Variants in CRACD observed in about 807,000 individuals in gnomAD.
The protein encoded by CRACD is capping protein-inhibiting regulator of actin dynamics.
CRACD carries 56 observed loss-of-function variants against 106.8 expected under a neutral mutation model. The ratio of observed to expected loss-of-function variants is 0.52; its 90% confidence interval spans 0.42 to 0.66. The LOEUF is 0.66. Ranked by LOEUF, CRACD falls within the 30% of genes least tolerant of loss-of-function variation. The pLI, the probability that CRACD is intolerant of heterozygous loss-of-function variation, is 0.00. For missense variants in CRACD, 1,730 were observed against 1,623.2 expected, an observed-to-expected ratio of 1.07 and a Z score of -1.13; for synonymous variants, 754 against 670.8, an observed-to-expected ratio of 1.12 and a Z score of -1.92.
chr4:56,142,922 A>G (rs1577689840), intron 1 of CRACD, among the ~76,000 whole-genome samples: 1 of 152,140 alleles, frequency 6.6e-6, no homozygotes, highest in East Asian at 1.9e-4. Flanking sequence ...CTGGTACCAC[A>G]TTATTTAAAT....
intron 1 of CRACD, among the ~76,000 whole-genome samples, chr4:56,077,414 C>T (rs1345975924): frequency 1.3e-5 from 2 of 152,166 alleles, no homozygotes; most frequent in Non-Finnish European, 2.9e-5. Context: ...TTGGGTGGGG[C>T]ACAGCCAAAC....
At chr4:56,148,426 G>A (rs755506177) in intron 1 of CRACD, among the ~76,000 whole-genome samples, 11 of 152,168 alleles carry the variant, frequency 7.2e-5, no homozygotes, top group Admixed American at 1.3e-4. Context: ...GAGGAGCTGG[G>A]ACTACAGGTG....
chr4:56,193,125 G>C (rs1036901591), intron 2 of CRACD, among the ~76,000 whole-genome samples: 1 of 152,142 alleles, frequency 6.6e-6, no homozygotes, highest in Non-Finnish European at 1.5e-5. Flanking sequence ...AAGAGCAAAG[G>C]GATGTTTTAC....
At chr4:56,269,455 G>GT (rs1742219885) in intron 2 of CRACD, among the ~76,000 whole-genome samples, 1 of 151,928 alleles carries the variant, frequency 6.6e-6, no homozygotes, top group African/African-American at 2.4e-5. Flanking sequence ...GCCAGCATCT[G>GT]TTTGCCTTCT....
At chr4:56,300,489 T>C (rs967850544) in intron 4 of CRACD, among the ~76,000 whole-genome samples, 2 of 152,238 alleles carry the variant, frequency 1.3e-5, no homozygotes, top group African/African-American at 2.4e-5. Flanking sequence ...TCTTATAGGT[T>C]GAAGAAGAGG....
At chr4:56,182,793 A>C (rs1736886490) in intron 2 of CRACD, among the ~76,000 whole-genome samples, 1 of 152,086 alleles carries the variant, frequency 6.6e-6, no homozygotes, top group Non-Finnish European at 1.5e-5. Flanking sequence ...CTGTAATTTT[A>C]AAAACATATG....
intron 1 of CRACD, among the ~76,000 whole-genome samples, chr4:56,091,554 G>A (rs1367165761): frequency 6.6e-6 from 1 of 152,054 alleles, no homozygotes; most frequent in African/African-American, 2.4e-5. Context: ...CAACTCATTT[G>A]TTCATATTGA....
rs572692051 is a variant in CRACD, at chr4:56,147,611, G to C, written c.-335-31673G>C. On this transcript the variant is annotated intron_variant, in intron 1 of 10. Coordinates refer to ENST00000682029, the MANE Select transcript of CRACD (RefSeq NM_001393381.1). ...TTGTAGCATGAGTATTTGTATGCAA[G>C]TTTTTTGGTGGACATATGTTTTCAT... Among the ~76,000 whole-genome samples, 3 of 152,282 alleles carry C rather than the reference G, an allele frequency of 2.0e-5. No homozygotes were observed. The East Asian group carries it at 5.8e-4, about 29-fold the overall frequency.
At chr4:56,225,165 T>C (rs760975139) in intron 2 of CRACD, among the ~76,000 whole-genome samples, 10 of 152,326 alleles carry the variant, frequency 6.6e-5, no homozygotes, top group Non-Finnish European at 8.8e-5. Context: ...CTTGGCTTAC[T>C]GCAAAAACCT....
intron 1 of CRACD, among the ~76,000 whole-genome samples, chr4:56,124,753 G>A (rs1477666981): frequency 6.6e-6 from 1 of 151,904 alleles, no homozygotes; most frequent in Non-Finnish European, 1.5e-5. Flanking sequence ...TTGTCCTGTA[G>A]AATTTCTTAT....
chr4:56,072,436 C>G (rs1366172279), intron 1 of CRACD, among the ~76,000 whole-genome samples: 1 of 152,146 alleles, frequency 6.6e-6, no homozygotes, highest in Non-Finnish European at 1.5e-5. Context: ...TTAATTCCAT[C>G]ATGTATCTTC....
chr4:56,216,836 C>T (rs563319490), intron 2 of CRACD, among the ~76,000 whole-genome samples: 8 of 150,754 alleles, frequency 5.3e-5, no homozygotes, highest in South Asian at 4.2e-4. Flanking sequence ...AAAAATTAGC[C>T]GGGCGCGGTG....
At chr4:56,051,240 T>C (rs1731863561) in intron 1 of CRACD, among the ~76,000 whole-genome samples, 1 of 152,222 alleles carries the variant, frequency 6.6e-6, no homozygotes, top group African/African-American at 2.4e-5. Flanking sequence ...GGATAAAACG[T>C]GTACAGATGG....
intron 1 of CRACD, among the ~76,000 whole-genome samples, chr4:56,159,558 G>A (rs1252109457): frequency 6.6e-6 from 1 of 151,938 alleles, no homozygotes; most frequent in Non-Finnish European, 1.5e-5. Context: ...AGGCTGAGGT[G>A]GGAGAATGGC....
intron 1 of CRACD, among the ~76,000 whole-genome samples, chr4:56,169,567 C>T (rs1283891816): frequency 6.6e-6 from 1 of 152,036 alleles, no homozygotes; most frequent in African/African-American, 2.4e-5. Context: ...GTGCTATCTT[C>T]GCTGATGGCA....
At chr4:56,183,360 G>C (rs188668056) in intron 2 of CRACD, among the ~76,000 whole-genome samples, 7 of 152,018 alleles carry the variant, frequency 4.6e-5, no homozygotes, top group Non-Finnish European at 8.8e-5. Flanking sequence ...CCCTCTAAAC[G>C]TGCAGCCGTC....
At chr4:56,236,126 G>C (rs1391526099) in intron 2 of CRACD, among the ~76,000 whole-genome samples, 1 of 152,182 alleles carries the variant, frequency 6.6e-6, no homozygotes, top group Non-Finnish European at 1.5e-5. Context: ...GTTACAGTAA[G>C]GTCATTAGGG....
At chr4:56,277,553 G>A (rs1742747054) in intron 3 of CRACD, among the ~76,000 whole-genome samples, 2 of 151,786 alleles carry the variant, frequency 1.3e-5, no homozygotes, top group Admixed American at 6.6e-5. Flanking sequence ...ATTTAATGAT[G>A]AAAAATGAAT....
chr4:56,188,063 A>G (rs371385107), intron 2 of CRACD, among the ~76,000 whole-genome samples: 15 of 152,350 alleles, frequency 9.8e-5, no homozygotes, highest in African/African-American at 3.6e-4. Context: ...GGAAAAGGAA[A>G]AAGCATCCTT....
Sources: gnomAD v4.1 joint callset for allele counts (sites outside exome capture counted in the v4.1 genomes callset) on GRCh38, gnomAD v4.1.1 for gene constraint, MANE v1.5 for transcripts, NCBI Gene and HGNC (gene_info 2026-07-23, HGNC 2026-07-21) for gene names.